GALNT18: variants seen among roughly 807,000 people sequenced by gnomAD.
GALNT18 encodes the protein GalNAc-transferase 18.
In GALNT18, 44 loss-of-function variants were observed where a neutral mutation model predicts 69.5. The ratio of observed to expected loss-of-function variants is 0.63; its 90% CI spans 0.50 to 0.81. The LOEUF (loss-of-function observed/expected upper bound fraction) is 0.81. Ranked by LOEUF, GALNT18 falls within the 40% of genes least tolerant of loss-of-function variation. GALNT18 has a pLI of 0.00. For missense variants in GALNT18, 715 were observed against 810.0 expected (o/e 0.88, Z 1.42); for synonymous variants, 364 against 318.2 (o/e 1.14, Z -1.53).
intron 1 of GALNT18, among the ~76,000 whole-genome samples, chr11:11,492,885 A>G (rs1856801740): frequency 6.6e-6 from 1 of 151,178 alleles, no homozygotes; most frequent in Non-Finnish European, 1.5e-5. Flanking sequence ...CGTTCTGCAC[A>G]TGTATCCCAG....
intron 10 of GALNT18, among the ~76,000 whole-genome samples, chr11:11,288,612 G>C (rs181002767): frequency 6.6e-6 from 1 of 152,212 alleles, no homozygotes; most frequent in East Asian, 1.9e-4. Context: ...TTTGATGAAC[G>C]ACTAAAGGAA....
intron 1 of GALNT18, among the ~76,000 whole-genome samples, chr11:11,558,039 C>T (rs1858374129): frequency 6.6e-6 from 1 of 152,214 alleles, no homozygotes. Context: ...GGGCACGCAT[C>T]TCTGCCGCCT....
intron 10 of GALNT18, among the ~76,000 whole-genome samples, chr11:11,287,351 C>G (rs1339666903): frequency 6.6e-6 from 1 of 152,230 alleles, no homozygotes; most frequent in Non-Finnish European, 1.5e-5. Context: ...AGGACTCCCT[C>G]TAACATTAGG....
rs1859505179 is a variant in GALNT18, at chr11:11,596,573, T to C, written c.235+24786A>G. ...TTGTAGTTTTCAGAGTATGAGTTTC[T>C]GCACTTTTTTCTTAATTTCTTCCTA... On this transcript the variant is annotated intron_variant, in intron 1 of 10. Transcript: ENST00000227756. This position sits in a 1 kb window ranked among gnomAD's most constrained non-coding sequence, Gnocchi z 4.2. Among the ~76,000 whole-genome samples the C allele has an allele frequency of 6.6e-6, 1 of 152,194 alleles. No individual in the cohort carries two copies. Among genetic ancestry groups the C allele is most frequent in the East Asian group, 1.9e-4 (1 of 5,204 alleles).
rs967337313 is a variant in GALNT18 at position 11,562,023 on chromosome 11, G to A, written c.235+59336C>T. ...GGGCAGGGCTCTAGCCAGGCCTTCC[G>A]AGCACTCCATAAACCACACTCCTAA... On this transcript the variant is annotated intron_variant, in intron 1 of 10. Transcript: ENST00000227756. This position sits in a 1 kb window ranked among gnomAD's most constrained non-coding sequence, Gnocchi z 4.1. Among the ~76,000 whole-genome samples, 7 of 152,176 alleles carry A rather than the reference G, an allele frequency of 4.6e-5. No individual in the cohort carries two copies. Among genetic ancestry groups the A allele is most frequent in the Non-Finnish European group, 7.3e-5 (5 of 68,034 alleles).
chr11:11,410,719 G>A (rs975246631), intron 3 of GALNT18, among the ~76,000 whole-genome samples: 6 of 152,174 alleles, frequency 3.9e-5, no homozygotes, highest in African/African-American at 1.4e-4. Flanking sequence ...AATTTTAGTT[G>A]AACGATGGCT....
intron 3 of GALNT18, among the ~76,000 whole-genome samples, chr11:11,412,098 G>A (rs71478964): frequency 0.063 from 9,661 of 152,258 alleles, 410 homozygotes; most frequent in Non-Finnish European, 0.095. Context: ...GGGACACCAA[G>A]AGCATCCACT....
At chr11:11,442,331 C>T (rs1306402082) in intron 2 of GALNT18, among the ~76,000 whole-genome samples, 1 of 152,274 alleles carries the variant, frequency 6.6e-6, no homozygotes, top group East Asian at 1.9e-4. Flanking sequence ...TAGTTTAAAG[C>T]CATCTGATCA....
At chr11:11,484,058 C>A (rs146430658) in intron 1 of GALNT18, among the ~76,000 whole-genome samples, 1 of 152,146 alleles carries the variant, frequency 6.6e-6, no homozygotes, top group Admixed American at 6.5e-5. Context: ...ATGCATTTCT[C>A]ATTCACCTTG....
chr11:11,448,453 G>A (rs7122452), intron 2 of GALNT18, among the ~76,000 whole-genome samples: 4,605 of 152,314 alleles, frequency 0.03, 218 homozygotes, highest in African/African-American at 0.096. Flanking sequence ...TTAAAATGAC[G>A]TATTAACAGG....
intron 1 of GALNT18, among the ~76,000 whole-genome samples, chr11:11,453,500 C>T (rs1291258083): frequency 1.3e-5 from 2 of 152,140 alleles, no homozygotes; most frequent in Non-Finnish European, 2.9e-5. Context: ...AAACCCTATC[C>T]TAAACATCCA....
intron 6 of GALNT18, chr11:11,353,388 T>C (rs1384015996): frequency 3.5e-6 from 2 of 567,814 alleles, no homozygotes; most frequent in Non-Finnish European, 6.2e-6. Context: ...CTCATCTATT[T>C]ACTCAGCATA....
intron 3 of GALNT18, among the ~76,000 whole-genome samples, chr11:11,391,917 C>A (rs1380812800): frequency 6.6e-6 from 1 of 152,238 alleles, no homozygotes; most frequent in Non-Finnish European, 1.5e-5. Context: ...ATCTGCTACG[C>A]CGAGCCTGGC....
At position 11,593,066 on chromosome 11, in the gene GALNT18, C is replaced by T. The variant is rs144486572; in HGVS notation, c.235+28293G>A. Among the ~76,000 whole-genome samples, 221 of 152,286 alleles carry T rather than the reference C, an allele frequency of 1.5e-3. 3 individuals are homozygous for T. The highest frequency in any genetic ancestry group is 5.2e-3 in the African/African-American group (217 of 41,552). On this transcript the variant is annotated intron_variant, in intron 1 of 10. Coordinates refer to ENST00000227756, the MANE Select transcript of GALNT18 (RefSeq NM_198516.3). ...GAGTAGCTGGGACTACAGGCACCCCCCAACGCTCGGCTAATTTTTTGTATT... is the reference window on the plus strand; with the variant it reads ...GAGTAGCTGGGACTACAGGCACCCCTCAACGCTCGGCTAATTTTTTGTATT...
Position 11,344,512 on chromosome 11 carries a change from A to G in GALNT18, c.1093-3508T>C, listed in dbSNP as rs138087076. Among the ~76,000 whole-genome samples, 801 of 152,312 alleles carry G rather than the reference A, an allele frequency of 5.3e-3. 9 individuals are homozygous for G. The highest frequency in any genetic ancestry group is 0.018 in the African/African-American group (755 of 41,560). On this transcript the variant is annotated intron_variant, in intron 6 of 10. Transcript: ENST00000227756. Reference sequence around the variant, plus strand: ...AAATTGTCCCTTAGACACGTGCTAAATGGTGCTCAAAAGAGATCCTGGGTT... The same window carrying G: ...AAATTGTCCCTTAGACACGTGCTAAGTGGTGCTCAAAAGAGATCCTGGGTT...
chr11:11,600,560 T>C lies in GALNT18; in HGVS notation c.235+20799A>G, dbSNP rs1859608057. Reference sequence around the variant, plus strand: ...AGGTGATAAGTGGTCTTTCTGTTACTGCTTCCAAGATTTTCTCTCTCTTTA... The same window carrying C: ...AGGTGATAAGTGGTCTTTCTGTTACCGCTTCCAAGATTTTCTCTCTCTTTA... On this transcript the variant is annotated intron_variant, in intron 1 of 10. Coordinates refer to ENST00000227756, the MANE Select transcript of GALNT18 (RefSeq NM_198516.3). The surrounding 1 kb of genome is among the most constrained non-coding windows in gnomAD (Gnocchi z 4.8). Among the ~76,000 whole-genome samples the C allele has an allele frequency of 6.6e-6, 1 of 152,144 alleles. No homozygotes were observed. Among genetic ancestry groups the C allele is most frequent in the African/African-American group, 2.4e-5 (1 of 41,458 alleles).
At chr11:11,345,346 T>C (rs6484830) in intron 6 of GALNT18, among the ~76,000 whole-genome samples, 145,030 of 152,168 alleles carry the variant, frequency 0.95, 69,480 homozygotes, top group East Asian at 1. Flanking sequence ...CTGTGCTGGC[T>C]GACTCCTGGG....
At position 11,605,838 on chromosome 11, in the gene GALNT18, G is replaced by GGCT. The variant is rs1859741395; in HGVS notation, c.235+15518_235+15520dup. ...ATGAAGATGTCGAGGGTCCCTTGAAGGCTTCAGGCTTCTCTCACCAGCTGA... is the reference window on the plus strand; with the variant it reads ...ATGAAGATGTCGAGGGTCCCTTGAAGGCTGCTTCAGGCTTCTCTCACCAGCTGA... On this transcript the variant is annotated intron_variant, in intron 1 of 10. Transcript: ENST00000227756. The surrounding 1 kb of genome is among the most constrained non-coding windows in gnomAD (Gnocchi z 4.7). Among the ~76,000 whole-genome samples, 1 of 152,180 alleles carries GGCT rather than the reference G, an allele frequency of 6.6e-6. No individual in the cohort carries two copies. Among genetic ancestry groups the GGCT allele is most frequent in the African/African-American group, 2.4e-5 (1 of 41,430 alleles).
At position 11,314,382 on chromosome 11, in the gene GALNT18, C is replaced by CT. The variant is rs34880146; in HGVS notation, c.1512+12703dup. ...GAATGAATAACAAATCAAGCAGCTCCTTTTTTTTTTTTTAGCATGGAAGCT... is the reference window on the plus strand; with the variant it reads ...GAATGAATAACAAATCAAGCAGCTCCTTTTTTTTTTTTTTAGCATGGAAGCT... On this transcript the variant is annotated intron_variant, in intron 9 of 10. Transcript: ENST00000227756. The surrounding 1 kb of genome is among the most constrained non-coding windows in gnomAD (Gnocchi z 5.2). Among the ~76,000 whole-genome samples the CT allele has an allele frequency of 1.0e-4, 15 of 148,750 alleles. No homozygotes were observed. Among genetic ancestry groups the CT allele is most frequent in the South Asian group, 4.3e-4 (2 of 4,698 alleles).
Sources: allele counts gnomAD v4.1 joint callset (sites outside exome capture counted in the v4.1 genomes callset), GRCh38; gene constraint gnomAD v4.1.1; non-coding constraint Gnocchi (gnomAD v3.1); transcripts MANE v1.5; gene names NCBI Gene and HGNC (gene_info 2026-07-23, HGNC 2026-07-21).